The following ADAM10 variants were observed in gnomAD, a reference collection of about 807,000 sequenced individuals.
ADAM10 encodes the protein disintegrin and metalloproteinase domain-containing protein 10.
Under a neutral mutation model 90.1 loss-of-function variants are expected in ADAM10, and 17 were observed. The observed-to-expected ratio is 0.19, with a 90% CI of 0.13 to 0.28. The LOEUF is 0.28. Ranked by LOEUF, ADAM10 falls within the 10% of genes least tolerant of loss-of-function variation. ADAM10 has a pLI of 1.00. For synonymous variants in ADAM10, 310 were observed against 298.6 expected (o/e 1.04, Z -0.40); for missense variants, 610 against 914.3 (o/e 0.67, Z 4.29).
At chr15:58,702,138 T>C (rs1898153072) in intron 2 of ADAM10, among the ~76,000 whole-genome samples, 1 of 152,024 alleles carries the variant, frequency 6.6e-6, no homozygotes, top group African/African-American at 2.4e-5. Flanking sequence ...AATCTTATCA[T>C]TTGCAGCAAT....
At chr15:58,660,814 T>G (rs1299040560) in intron 5 of ADAM10, among the ~76,000 whole-genome samples, 2 of 152,256 alleles carry the variant, frequency 1.3e-5, no homozygotes, top group African/African-American at 4.8e-5. Context: ...AAAGGCCTAA[T>G]AGTAAACATT....
intron 5 of ADAM10, among the ~76,000 whole-genome samples, chr15:58,662,486 C>A (rs1360871715): frequency 6.6e-6 from 1 of 152,066 alleles, no homozygotes; most frequent in Non-Finnish European, 1.5e-5. Flanking sequence ...ATGCTCATCA[C>A]CACACCCAGC....
chr15:58,601,130 G>C (rs796633058), intron 14 of ADAM10, among the ~76,000 whole-genome samples: 59 of 152,138 alleles, frequency 3.9e-4, no homozygotes, highest in African/African-American at 1.3e-3. Context: ...CAAACTTAAA[G>C]AAAAGTTGCA....
At chr15:58,605,380 G>T (rs1895240837) in intron 14 of ADAM10, among the ~76,000 whole-genome samples, 1 of 152,134 alleles carries the variant, frequency 6.6e-6, no homozygotes, top group South Asian at 2.1e-4. Context: ...ACAAAAGACA[G>T]TAAGAAAAAC....
chr15:58,744,245 G>A (rs564206844), intron 1 of ADAM10, among the ~76,000 whole-genome samples: 2 of 151,988 alleles, frequency 1.3e-5, no homozygotes, highest in South Asian at 2.1e-4. Flanking sequence ...TGAAAGGTGA[G>A]GGGTAGGGGT....
intron 3 of ADAM10, among the ~76,000 whole-genome samples, chr15:58,680,321 C>T (rs1897396623): frequency 1.3e-5 from 2 of 152,128 alleles, no homozygotes; most frequent in Non-Finnish European, 2.9e-5. Context: ...CAGGGACTTG[C>T]TATGTTTCCT....
At chr15:58,611,355 G>A in intron 12 of ADAM10, 1 of 481,660 alleles carries the variant, frequency 2.1e-6, no homozygotes, top group Non-Finnish European at 3.7e-6. Context: ...TGAAATAAAA[G>A]CAGAGCAAGA....
At chr15:58,689,394 G>A (rs1270645345) in intron 2 of ADAM10, among the ~76,000 whole-genome samples, 1 of 152,258 alleles carries the variant, frequency 6.6e-6, no homozygotes, top group East Asian at 1.9e-4. Context: ...GATGAGGCAG[G>A]AGAATTGCTT....
At chr15:58,660,137 T>C (rs923106885) in intron 5 of ADAM10, among the ~76,000 whole-genome samples, 30 of 152,210 alleles carry the variant, frequency 2.0e-4, no homozygotes, top group Non-Finnish European at 1.3e-4. Context: ...CAATTTCTGT[T>C]CCATCATTTT....
chr15:58,619,461 A>G (rs1354392438), intron 11 of ADAM10, among the ~76,000 whole-genome samples: 1 of 152,208 alleles, frequency 6.6e-6, no homozygotes, highest in African/African-American at 2.4e-5. Context: ...TCAAAATAGA[A>G]GATTTAAAAT....
chr15:58,648,878 T>A (rs1396267925), intron 5 of ADAM10, among the ~76,000 whole-genome samples: 5 of 152,120 alleles, frequency 3.3e-5, no homozygotes, highest in Admixed American at 2.0e-4. Context: ...CTTTGGCTGA[T>A]AATAGACATA....
chr15:58,649,808 G>T (rs79293113), intron 5 of ADAM10, among the ~76,000 whole-genome samples: 13,670 of 152,178 alleles, frequency 0.09, 859 homozygotes, highest in Non-Finnish European at 0.14. Context: ...AGGGCTTAAT[G>T]AATGTGTTGT....
chr15:58,632,330 A>G (rs1896125981), intron 9 of ADAM10, among the ~76,000 whole-genome samples: 2 of 152,220 alleles, frequency 1.3e-5, no homozygotes, highest in South Asian at 4.1e-4. Flanking sequence ...GTGTACTGAA[A>G]TACGTAAGGA....
chr15:58,707,084 G>GA (rs1235426530), intron 2 of ADAM10, among the ~76,000 whole-genome samples: 1 of 50,448 alleles, frequency 2.0e-5, no homozygotes, highest in African/African-American at 6.6e-5. Context: ...TAAACTTTGG[G>GA]GGGGGGAAAA....
chr15:58,705,260 A>T (rs1898246238), intron 2 of ADAM10, among the ~76,000 whole-genome samples: 1 of 152,206 alleles, frequency 6.6e-6, no homozygotes, highest in Non-Finnish European at 1.5e-5. Context: ...TGTCCTGTAT[A>T]AAGAACATTA....
chr15:58,641,842 AG>A (rs1896425060), intron 7 of ADAM10, among the ~76,000 whole-genome samples: 2 of 152,178 alleles, frequency 1.3e-5, no homozygotes, highest in South Asian at 4.1e-4. Flanking sequence ...AAATGTTGGC[AG>A]TAAGAGGATG....
chr15:58,734,208 T>C (rs566839939), intron 1 of ADAM10, among the ~76,000 whole-genome samples: 4 of 152,294 alleles, frequency 2.6e-5, no homozygotes, highest in South Asian at 2.1e-4. Context: ...TGCTTATAAA[T>C]TGGATGTCAT....
chr15:58,615,297 A>C (rs12595805), intron 11 of ADAM10, among the ~76,000 whole-genome samples: 1 of 143,550 alleles, frequency 7.0e-6, no homozygotes, highest in Non-Finnish European at 1.5e-5. Flanking sequence ...AAAAAAAAAA[A>C]CCAGAAAATA....
chr15:58,663,053 T>C (rs924302342), intron 5 of ADAM10, among the ~76,000 whole-genome samples: 8 of 152,240 alleles, frequency 5.3e-5, no homozygotes, highest in Admixed American at 5.2e-4. Flanking sequence ...TTGAAAATAA[T>C]TGTTTGAAAT....
Sources: gnomAD v4.1 joint callset for allele counts (sites outside exome capture counted in the v4.1 genomes callset) on GRCh38, gnomAD v4.1.1 for gene constraint, MANE v1.5 for transcripts, NCBI Gene and HGNC (gene_info 2026-07-23, HGNC 2026-07-21) for gene names.